The following LIN28B variants were observed in gnomAD, a reference collection of about 807,000 sequenced individuals.
LIN28B encodes protein lin-28 homolog B.
LIN28B carries 5 observed loss-of-function variants against 21.9 expected under a neutral mutation model. The observed-to-expected ratio is 0.23, with a 90% confidence interval of 0.12 to 0.48. LIN28B has a LOEUF of 0.48. Among genes scored for constraint, LIN28B ranks in the 20% least tolerant of loss-of-function variants. LIN28B has a pLI of 0.98. For missense variants in LIN28B, 245 were observed against 310.5 expected (o/e 0.79, Z 1.58); for synonymous variants, 109 against 111.3 (o/e 0.98, Z 0.13).
At chr6:104,997,370 A>G (rs532506854) in intron 2 of LIN28B, among the ~76,000 whole-genome samples, 47 of 151,988 alleles carry the variant, frequency 3.1e-4, no homozygotes, top group Non-Finnish European at 5.7e-4. Flanking sequence ...TATTGTTATG[A>G]TATATAAATA....
At chr6:104,957,076 G>A, upstream of LIN28B, 1 of 1,490,984 alleles carries the variant, frequency 6.7e-7, no homozygotes, top group East Asian at 2.5e-5. Context: ...TGCTCAGGGG[G>A]CCAGAAACTG....
At chr6:105,072,360 T>C (rs536081449) in intron 3 of LIN28B, among the ~76,000 whole-genome samples, 1 of 152,318 alleles carries the variant, frequency 6.6e-6, no homozygotes, top group South Asian at 2.1e-4. Context: ...GCACAGTGTC[T>C]AGAATTTAGT....
chr6:105,033,516 A>G (rs1425265750), intron 3 of LIN28B, among the ~76,000 whole-genome samples: 4 of 152,024 alleles, frequency 2.6e-5, no homozygotes, highest in African/African-American at 9.7e-5. Flanking sequence ...GCGTCCACTT[A>G]CAACTTTCTG....
At chr6:104,979,483 C>T (rs1770175510) in intron 2 of LIN28B, among the ~76,000 whole-genome samples, 1 of 152,064 alleles carries the variant, frequency 6.6e-6, no homozygotes, top group Non-Finnish European at 1.5e-5. Flanking sequence ...TGCTGGATTA[C>T]ACGTGTGAGA....
intron 3 of LIN28B, among the ~76,000 whole-genome samples, chr6:105,026,754 A>G (rs1280391104): frequency 6.6e-6 from 1 of 152,122 alleles, no homozygotes; most frequent in African/African-American, 2.4e-5. Context: ...TGAAGTTCCC[A>G]ATAGATAGAG....
At chr6:105,059,430 G>A (rs946698897) in intron 3 of LIN28B, among the ~76,000 whole-genome samples, 1 of 152,128 alleles carries the variant, frequency 6.6e-6, no homozygotes, top group African/African-American at 2.4e-5. Flanking sequence ...TTTCAGTGAT[G>A]TCTCCCAAGT....
chr6:105,024,120 C>G (rs1771236066), intron 2 of LIN28B, among the ~76,000 whole-genome samples: 1 of 152,072 alleles, frequency 6.6e-6, no homozygotes, highest in African/African-American at 2.4e-5. Flanking sequence ...TCCCAAGTAG[C>G]TGGGATTACA....
intron 2 of LIN28B, among the ~76,000 whole-genome samples, chr6:104,970,482 G>A (rs114124500): frequency 1.3e-5 from 2 of 152,088 alleles, no homozygotes; most frequent in Non-Finnish European, 2.9e-5. Context: ...TTATCGATAT[G>A]TGTCTTGTTT....
At chr6:105,061,839 A>G (rs958691537) in intron 3 of LIN28B, among the ~76,000 whole-genome samples, 1 of 152,080 alleles carries the variant, frequency 6.6e-6, no homozygotes, top group African/African-American at 2.4e-5. Context: ...GTCATGAACA[A>G]TGTGTACATA....
At chr6:104,948,395 A>G (rs1197074736) in intron 2 of LIN28B, among the ~76,000 whole-genome samples, 1 of 152,218 alleles carries the variant, frequency 6.6e-6, no homozygotes, top group Non-Finnish European at 1.5e-5. Flanking sequence ...TAAACCCAGG[A>G]GGCAGAGGTT....
chr6:105,061,875 T>A (rs1172666224), intron 3 of LIN28B, among the ~76,000 whole-genome samples: 1 of 152,042 alleles, frequency 6.6e-6, no homozygotes, highest in Non-Finnish European at 1.5e-5. Context: ...GGGTTTTTTT[T>A]TCTACTGTAA....
chr6:104,955,292 A>G (rs1049865697), upstream of LIN28B, among the ~76,000 whole-genome samples: 2 of 152,256 alleles, frequency 1.3e-5, no homozygotes, highest in Admixed American at 6.5e-5. Flanking sequence ...TTAAACTTTC[A>G]AAGTCATTGG....
At chr6:105,070,698 G>C (rs1222588626) in intron 3 of LIN28B, among the ~76,000 whole-genome samples, 3 of 150,084 alleles carry the variant, frequency 2.0e-5, no homozygotes, top group Non-Finnish European at 4.4e-5. Flanking sequence ...AGGATGATTG[G>C]GTTTGGGAGG....
chr6:105,007,743 T>A (rs970836585), intron 2 of LIN28B, among the ~76,000 whole-genome samples: 3 of 152,126 alleles, frequency 2.0e-5, no homozygotes, highest in Admixed American at 6.5e-5. Flanking sequence ...TTGCCCAGGC[T>A]TGTCTTGAAG....
At chr6:104,957,607 T>G (rs1213103104) in intron 1 of LIN28B, among the ~76,000 whole-genome samples, 1 of 151,778 alleles carries the variant, frequency 6.6e-6, no homozygotes, top group Admixed American at 6.6e-5. Flanking sequence ...TTGAAAGTTA[T>G]GGGGGGGAGG....
chr6:104,957,220 C>T lies in LIN28B; in HGVS notation c.-31C>T. ...TTCCAAAGGGAAAGTTTTCATCTCA[C>T]GAGTTTGGAGCTGAGGGCCCGTGGG... On this transcript the variant is annotated 5_prime_UTR_variant, in exon 1 of 4. It adds an upstream start codon to the 5' untranslated region. Coordinates refer to ENST00000345080, the MANE Select transcript of LIN28B (RefSeq NM_001004317.4). The T allele has an allele frequency of 6.2e-7, 1 of 1,613,770 alleles. No individual in the cohort carries two copies. Among genetic ancestry groups the T allele is most frequent in the South Asian group, 1.1e-5 (1 of 91,072 alleles).
rs190877047 is a variant in LIN28B, at chr6:105,013,157, G to A, written c.199-13141G>A. ...CTCCCGAGTAGCTGGGATTACAGGC[G>A]TGCACCACCAAGCCCGGCTAATTTT... On this transcript the variant is annotated intron_variant, in intron 2 of 3. Transcript: ENST00000345080. 2.4e-4 allele frequency among the ~76,000 whole-genome samples: 37 copies of A among 151,972 alleles called. No homozygotes were observed. The East Asian group carries it at 5.6e-3, about 23-fold the overall frequency.
At chr6:104,942,431 A>G (rs1778107708) in intron 2 of LIN28B, among the ~76,000 whole-genome samples, 1 of 152,208 alleles carries the variant, frequency 6.6e-6, no homozygotes, top group African/African-American at 2.4e-5. Context: ...CAGTTTTATG[A>G]AAGCTTTCAG....
intron 2 of LIN28B, among the ~76,000 whole-genome samples, chr6:104,996,907 C>T (rs748145875): frequency 3.9e-4 from 59 of 152,030 alleles, no homozygotes; most frequent in Non-Finnish European, 7.1e-4. Flanking sequence ...ATCACTTCAC[C>T]CCAGGAGTTT....
Sources: allele counts gnomAD v4.1 joint callset (sites outside exome capture counted in the v4.1 genomes callset), GRCh38; gene constraint gnomAD v4.1.1; transcripts MANE v1.5; gene names NCBI Gene and HGNC (gene_info 2026-07-23, HGNC 2026-07-21).